The following MEI4 variants were observed in gnomAD, a reference collection of about 807,000 sequenced individuals.
MEI4 encodes the protein meiotic double-stranded break formation protein 4, also known as meiosis-specific protein MEI4.
A neutral mutation model predicts 31.4 loss-of-function variants in MEI4; 27 were observed. The observed-to-expected ratio is 0.86, with a 90% CI of 0.63 to 1.19. The LOEUF (loss-of-function observed/expected upper bound fraction) is 1.19, where lower values mean the gene tolerates loss of function less well. MEI4 is among the 50% of genes most tolerant of loss of function. The pLI, the probability that MEI4 is intolerant of heterozygous loss-of-function variation, is 0.00. For missense variants in MEI4, 329 were observed against 398.9 expected, an observed-to-expected ratio of 0.82 and a Z score of 1.49; for synonymous variants, 122 against 145.4, an observed-to-expected ratio of 0.84 and a Z score of 1.16.
intron 2 of MEI4, among the ~76,000 whole-genome samples, chr6:77,740,389 G>T (rs998977203): frequency 6.6e-6 from 1 of 152,060 alleles, no homozygotes; most frequent in Non-Finnish European, 1.5e-5. Flanking sequence ...TTAATGATCT[G>T]TCTAATACTG....
At chr6:77,805,777 A>T (rs1485019682) in intron 3 of MEI4, among the ~76,000 whole-genome samples, 1 of 152,192 alleles carries the variant, frequency 6.6e-6, no homozygotes, top group African/African-American at 2.4e-5. Context: ...TACATAGATA[A>T]TTTTTGCTGT....
At chr6:77,738,199 A>T (rs1308521379) in intron 2 of MEI4, among the ~76,000 whole-genome samples, 1 of 152,156 alleles carries the variant, frequency 6.6e-6, no homozygotes, top group African/African-American at 2.4e-5. Context: ...AGGCAAAGGG[A>T]ATTGTATTGT....
chr6:77,860,455 A>T (rs1172498086), intron 4 of MEI4, among the ~76,000 whole-genome samples: 1 of 152,174 alleles, frequency 6.6e-6, no homozygotes, highest in Non-Finnish European at 1.5e-5. Flanking sequence ...GTTAACAGGG[A>T]TAAGAAAGAT....
At chr6:77,831,506 T>TA (rs1770079520) in intron 4 of MEI4, among the ~76,000 whole-genome samples, 1 of 149,444 alleles carries the variant, frequency 6.7e-6, no homozygotes, top group African/African-American at 2.5e-5. Context: ...TAAAGATAAT[T>TA]TTATATATAT....
At chr6:77,700,056 A>G (rs1017036437) in intron 2 of MEI4, among the ~76,000 whole-genome samples, 1 of 152,190 alleles carries the variant, frequency 6.6e-6, no homozygotes, top group Non-Finnish European at 1.5e-5. Context: ...GACCCACTTG[A>G]GGAGGCAGTC....
chr6:77,767,311 C>G lies in MEI4; in HGVS notation c.768+5646C>G, dbSNP rs533714296. The stretch of plus-strand genomic sequence containing the variant: ...AGGAGAATCGCTTGAACCCGGGAGG[C>G]AGAGGTGACAGTGAGCCAAGACTGC... On this transcript the variant is annotated intron_variant, in intron 3 of 4. Transcript: ENST00000684080. Among the ~76,000 whole-genome samples, 4 of 151,980 alleles carry G rather than the reference C, an allele frequency of 2.6e-5. No homozygotes were observed. The South Asian group carries it at 8.3e-4, about 32-fold the overall frequency.
chr6:77,747,590 G>T (rs372166514), intron 2 of MEI4, among the ~76,000 whole-genome samples: 1 of 152,108 alleles, frequency 6.6e-6, no homozygotes, highest in East Asian at 1.9e-4. Context: ...GTCATCTTCT[G>T]CCAGGTCCCT....
intron 4 of MEI4, among the ~76,000 whole-genome samples, chr6:77,870,813 G>A (rs571899068): frequency 6.6e-6 from 1 of 152,200 alleles, no homozygotes; most frequent in South Asian, 2.1e-4. Context: ...AATTTGTAAT[G>A]ACTACCTGCC....
chr6:77,794,405 T>C lies in MEI4; in HGVS notation c.768+32740T>C, dbSNP rs562441838. ...GGTGAAATCCCGTCTCTACTAAAAA[T>C]ACAAAATATTAGCCGGGTGTGGTGG... On this transcript the variant is annotated intron_variant, in intron 3 of 4. Coordinates refer to ENST00000684080, the MANE Select transcript of MEI4 (RefSeq NM_001322247.2). Among the ~76,000 whole-genome samples, 15 of 151,998 alleles carry C rather than the reference T, an allele frequency of 9.9e-5. No individual in the cohort carries two copies. In the East Asian group the frequency reaches 2.7e-3, roughly 28 times the overall value.
At chr6:77,851,797 A>AT (rs1486186934) in intron 4 of MEI4, among the ~76,000 whole-genome samples, 1 of 152,156 alleles carries the variant, frequency 6.6e-6, no homozygotes, top group African/African-American at 2.4e-5. Flanking sequence ...AAGAAAAAAA[A>AT]GCAGGGATTT....
intron 3 of MEI4, among the ~76,000 whole-genome samples, chr6:77,771,867 C>T (rs1479210563): frequency 6.6e-6 from 1 of 151,912 alleles, no homozygotes; most frequent in East Asian, 1.9e-4. Context: ...ATAAAATAAT[C>T]TGTACACCAA....
chr6:77,798,517 GT>G (rs962624575), intron 3 of MEI4, among the ~76,000 whole-genome samples: 2 of 151,600 alleles, frequency 1.3e-5, no homozygotes, highest in African/African-American at 4.9e-5. Flanking sequence ...TATACTTTAA[GT>G]TTTAGGGTAC....
chr6:77,873,391 AT>A (rs1771247422), intron 4 of MEI4, among the ~76,000 whole-genome samples: 1 of 152,166 alleles, frequency 6.6e-6, no homozygotes, highest in Admixed American at 6.5e-5. Context: ...TTTTGGCTGC[AT>A]AAATGTCTTC....
chr6:77,918,889 G>C (rs925968853), intron 4 of MEI4, among the ~76,000 whole-genome samples: 1 of 152,054 alleles, frequency 6.6e-6, no homozygotes, highest in Non-Finnish European at 1.5e-5. Context: ...CATTCAGTAT[G>C]ATATTGGCTG....
chr6:77,868,242 C>CA (rs35228781), intron 4 of MEI4, among the ~76,000 whole-genome samples: 77,422 of 146,480 alleles, frequency 0.53, 21,838 homozygotes, highest in East Asian at 0.75. Flanking sequence ...AAATTAAAAG[C>CA]AAAAAAAAAT....
intron 4 of MEI4, among the ~76,000 whole-genome samples, chr6:77,887,419 C>T (rs1771650021): frequency 6.6e-6 from 1 of 152,022 alleles, no homozygotes; most frequent in African/African-American, 2.4e-5. Context: ...GCCTTAGCCT[C>T]CTGAGTAGTT....
intron 2 of MEI4, 66 bp downstream of exon 2, chr6:77,690,969 T>C: frequency 1.2e-6 from 1 of 817,346 alleles, no homozygotes. Flanking sequence ...CACAATTATT[T>C]AGAAATGTAT....
intron 3 of MEI4, among the ~76,000 whole-genome samples, chr6:77,803,275 G>T (rs973885695): frequency 6.6e-5 from 10 of 152,082 alleles, no homozygotes; most frequent in African/African-American, 2.2e-4. Flanking sequence ...GGCTACTGAG[G>T]CTTGTGCATT....
intron 4 of MEI4, among the ~76,000 whole-genome samples, chr6:77,913,688 G>A (rs916403423): frequency 6.7e-5 from 10 of 148,570 alleles, no homozygotes; most frequent in African/African-American, 2.5e-4. Flanking sequence ...TGTTTCCTTG[G>A]TTAGTCTAGA....
Sources: allele counts gnomAD v4.1 joint callset (sites outside exome capture counted in the v4.1 genomes callset), GRCh38; gene constraint gnomAD v4.1.1; transcripts MANE v1.5; gene names NCBI Gene and HGNC (gene_info 2026-07-23, HGNC 2026-07-21).